PTPRD: variants seen among roughly 807,000 people sequenced by gnomAD.
PTPRD encodes receptor-type tyrosine-protein phosphatase delta.
A neutral mutation model predicts 214.5 loss-of-function variants in PTPRD; 34 were observed. The ratio of observed to expected loss-of-function variants is 0.16; its 90% confidence interval spans 0.12 to 0.21. The LOEUF (loss-of-function observed/expected upper bound fraction) is 0.21. Among genes scored for constraint, PTPRD ranks in the 10% least tolerant of loss-of-function variants. PTPRD has a pLI of 1.00. For synonymous variants in PTPRD, 1,128 were observed against 845.7 expected (o/e 1.33, Z -5.79); for missense variants, 2,545 against 2,398.7 (o/e 1.06, Z -1.27).
At chr9:9,161,653 G>A (rs760281339) in intron 10 of PTPRD, among the ~76,000 whole-genome samples, 6 of 152,158 alleles carry the variant, frequency 3.9e-5, no homozygotes, top group Non-Finnish European at 7.4e-5. Flanking sequence ...GAGAATACTG[G>A]TATTCCTTGT....
At position 10,211,323 on chromosome 9, in the gene PTPRD, G is replaced by A. The variant is rs146419678; in HGVS notation, c.-545+129640C>T. ...ATAATGCATCTTCAAGGGCAAATGC[G>A]TCTGAAGACAAATCTATGAAAAATT... On this transcript the variant is annotated intron_variant, in intron 3 of 45. Transcript: ENST00000381196. Among the ~76,000 whole-genome samples, 1,024 of 152,258 alleles carry A rather than the reference G, an allele frequency of 6.7e-3. 7 individuals carry two copies. Among genetic ancestry groups the A allele is most frequent in the Non-Finnish European group, 0.01 (691 of 68,018 alleles).
intron 35 of PTPRD, among the ~76,000 whole-genome samples, chr9:8,418,469 A>G (rs898885872): frequency 6.6e-6 from 1 of 152,010 alleles, no homozygotes; most frequent in Non-Finnish European, 1.5e-5. Context: ...TTATTTCCCC[A>G]ACTCTATAGT....
At chr9:8,722,628 G>C (rs770570004) in intron 12 of PTPRD, among the ~76,000 whole-genome samples, 1 of 151,960 alleles carries the variant, frequency 6.6e-6, no homozygotes, top group Non-Finnish European at 1.5e-5. Context: ...GAAGCATATA[G>C]GGAAAAGCCC....
At chr9:8,762,873 A>C (rs969508144) in intron 11 of PTPRD, among the ~76,000 whole-genome samples, 2 of 152,216 alleles carry the variant, frequency 1.3e-5, no homozygotes, top group African/African-American at 2.4e-5. Flanking sequence ...GAAAAAGCAC[A>C]GAATGCCTTG....
intron 3 of PTPRD, among the ~76,000 whole-genome samples, chr9:10,065,780 G>A (rs1445397102): frequency 6.6e-6 from 1 of 151,868 alleles, no homozygotes; most frequent in Admixed American, 6.6e-5. Context: ...AAGAAACGGG[G>A]AAGAAAAGTA....
intron 9 of PTPRD, among the ~76,000 whole-genome samples, chr9:9,218,363 A>G (rs1424624066): frequency 6.6e-6 from 1 of 152,144 alleles, no homozygotes; most frequent in Non-Finnish European, 1.5e-5. Flanking sequence ...TTTAAAAGCC[A>G]TTTCAATGTT....
chr9:10,597,721 G>C (rs928149168), intron 2 of PTPRD, among the ~76,000 whole-genome samples: 41 of 151,724 alleles, frequency 2.7e-4, no homozygotes, highest in Admixed American at 2.6e-3. Context: ...GCTGTAATTA[G>C]AAAAATTAAA....
At chr9:8,728,808 C>T (rs533710723) in intron 12 of PTPRD, among the ~76,000 whole-genome samples, 3 of 151,826 alleles carry the variant, frequency 2.0e-5, no homozygotes, top group Admixed American at 1.3e-4. Context: ...GGTGAAACCC[C>T]GTATTTATTA....
intron 5 of PTPRD, among the ~76,000 whole-genome samples, chr9:9,876,249 CTTGT>C (rs2066832951): frequency 6.6e-6 from 1 of 152,042 alleles, no homozygotes; most frequent in Non-Finnish European, 1.5e-5. Context: ...TCAGATTTTT[CTTGT>C]TTATCAAAAT....
intron 5 of PTPRD, among the ~76,000 whole-genome samples, chr9:9,819,177 C>T (rs1336192400): frequency 3.9e-5 from 6 of 152,270 alleles, no homozygotes; most frequent in African/African-American, 1.2e-4. Flanking sequence ...ACTTCAGCCT[C>T]TCCCTGCCCC....
intron 11 of PTPRD, among the ~76,000 whole-genome samples, chr9:8,915,142 T>C (rs10815996): frequency 0.19 from 29,590 of 152,078 alleles, 3,697 homozygotes; most frequent in Non-Finnish European, 0.27. Flanking sequence ...TATGTCATGC[T>C]CAGGATTTTC....
intron 9 of PTPRD, among the ~76,000 whole-genome samples, chr9:9,302,192 C>CT (rs1346291333): frequency 6.6e-6 from 1 of 151,814 alleles, no homozygotes; most frequent in Admixed American, 6.6e-5. Flanking sequence ...ATAATTTCTT[C>CT]TTTTTTTAAA....
intron 5 of PTPRD, among the ~76,000 whole-genome samples, chr9:9,781,046 C>A (rs2098839034): frequency 6.6e-6 from 1 of 152,054 alleles, no homozygotes; most frequent in Non-Finnish European, 1.5e-5. Context: ...GACCGAGGAA[C>A]AAATAGGAGG....
chr9:9,947,311 A>G (rs2092705764), intron 4 of PTPRD, among the ~76,000 whole-genome samples: 1 of 80,162 alleles, frequency 1.2e-5, no homozygotes, highest in Non-Finnish European at 2.1e-5. Flanking sequence ...TATTTTATAT[A>G]TATATTATAT....
chr9:9,065,105 G>A (rs998881363), intron 10 of PTPRD, among the ~76,000 whole-genome samples: 3 of 152,108 alleles, frequency 2.0e-5, no homozygotes, highest in Admixed American at 6.6e-5. Context: ...ATATACATTT[G>A]ACAAAAATCT....
chr9:8,337,572 C>T (rs1046421678), intron 43 of PTPRD, among the ~76,000 whole-genome samples: 3 of 151,716 alleles, frequency 2.0e-5, no homozygotes, highest in Non-Finnish European at 4.4e-5. Flanking sequence ...CCTGCATGTT[C>T]TGCACATGTA....
At chr9:10,195,079 C>T (rs529940151) in intron 3 of PTPRD, among the ~76,000 whole-genome samples, 1 of 150,070 alleles carries the variant, frequency 6.7e-6, no homozygotes, top group Non-Finnish European at 1.5e-5. Flanking sequence ...ACTACAGGCA[C>T]CCGTGACCAT....
chr9:9,344,968 C>T (rs1022351864), intron 9 of PTPRD, among the ~76,000 whole-genome samples: 1 of 151,842 alleles, frequency 6.6e-6, no homozygotes, highest in African/African-American at 2.4e-5. Context: ...AATTATAGAA[C>T]ATGAAAATTG....
At chr9:10,133,367 G>C (rs1300225719) in intron 3 of PTPRD, among the ~76,000 whole-genome samples, 1 of 152,164 alleles carries the variant, frequency 6.6e-6, no homozygotes, top group Non-Finnish European at 1.5e-5. Flanking sequence ...TAAAAAACTA[G>C]AGTTGTGTCC....
Sources: gnomAD v4.1 joint callset for allele counts (sites outside exome capture counted in the v4.1 genomes callset) on GRCh38, gnomAD v4.1.1 for gene constraint, MANE v1.5 for transcripts, NCBI Gene and HGNC (gene_info 2026-07-23, HGNC 2026-07-21) for gene names.